KCNIP4: variants seen among roughly 807,000 people sequenced by gnomAD.
KCNIP4 encodes potassium voltage-gated channel interacting protein 4, also known as Kv channel-interacting protein 4.
KCNIP4 carries 12 observed loss-of-function variants against 34.0 expected under a neutral mutation model. That is an observed-to-expected ratio of 0.35 (90% CI 0.23 to 0.57). KCNIP4 has a LOEUF of 0.57. Ranked by LOEUF, KCNIP4 falls within the 20% of genes least tolerant of loss-of-function variation. The probability of loss-of-function intolerance (pLI) is 0.83; values close to 1 mark genes in which losing one functional copy is unlikely to be tolerated. For missense variants in KCNIP4, 238 were observed against 311.7 expected, an observed-to-expected ratio of 0.76 and a Z score of 1.78; for synonymous variants, 124 against 102.2, an observed-to-expected ratio of 1.21 and a Z score of -1.29.
chr4:21,480,144 T>G (rs1476712595), intron 1 of KCNIP4, among the ~76,000 whole-genome samples: 1 of 151,806 alleles, frequency 6.6e-6, no homozygotes, highest in Admixed American at 6.6e-5. Context: ...AAACTGGTCA[T>G]AAATTCATAA....
chr4:21,906,784 T>C (rs1728026197), intron 1 of KCNIP4, among the ~76,000 whole-genome samples: 1 of 152,160 alleles, frequency 6.6e-6, no homozygotes, highest in Non-Finnish European at 1.5e-5. Context: ...AACATCTAAA[T>C]GTGATATTTA....
chr4:21,816,721 C>T (rs1481741811), intron 1 of KCNIP4, among the ~76,000 whole-genome samples: 1 of 152,120 alleles, frequency 6.6e-6, no homozygotes, highest in African/African-American at 2.4e-5. Flanking sequence ...ACATCCCACC[C>T]CTATAATTAT....
At chr4:21,639,844 G>C (rs1287441167) in intron 1 of KCNIP4, among the ~76,000 whole-genome samples, 7 of 152,256 alleles carry the variant, frequency 4.6e-5, no homozygotes, top group Non-Finnish European at 1.0e-4. Context: ...CTACAGGATA[G>C]ATTTGGGGAC....
intron 3 of KCNIP4, among the ~76,000 whole-genome samples, chr4:20,849,883 T>C (rs1720817446): frequency 6.6e-6 from 1 of 152,216 alleles, no homozygotes; most frequent in Non-Finnish European, 1.5e-5. Context: ...ACCTGCAGCA[T>C]CTAGTTTAAC....
At chr4:21,344,686 C>A (rs553138538) in intron 1 of KCNIP4, among the ~76,000 whole-genome samples, 1 of 152,140 alleles carries the variant, frequency 6.6e-6, no homozygotes, top group Non-Finnish European at 1.5e-5. Flanking sequence ...TAAAGCATCA[C>A]AAAATCCCCG....
intron 1 of KCNIP4, among the ~76,000 whole-genome samples, chr4:21,608,324 C>T (rs548849391): frequency 2.0e-5 from 3 of 152,304 alleles, no homozygotes; most frequent in African/African-American, 7.2e-5. Flanking sequence ...TTTCTGAAAC[C>T]TCTAGAGGAA....
At chr4:21,450,434 A>T (rs1453425687) in intron 1 of KCNIP4, among the ~76,000 whole-genome samples, 1 of 152,166 alleles carries the variant, frequency 6.6e-6, no homozygotes, top group Non-Finnish European at 1.5e-5. Context: ...AAGCACAATC[A>T]ATATTAAAGA....
chr4:21,763,467 T>G (rs996185318), intron 1 of KCNIP4, among the ~76,000 whole-genome samples: 2 of 152,162 alleles, frequency 1.3e-5, no homozygotes, highest in Non-Finnish European at 2.9e-5. Flanking sequence ...ATGATTCTAC[T>G]GGCTAATAAA....
At chr4:21,624,296 T>C (rs1745180026) in intron 1 of KCNIP4, among the ~76,000 whole-genome samples, 1 of 152,180 alleles carries the variant, frequency 6.6e-6, no homozygotes, top group African/African-American at 2.4e-5. Flanking sequence ...TCATAGCATA[T>C]ATTCCAGAAT....
chr4:21,339,162 C>T (rs1381194995), intron 1 of KCNIP4, among the ~76,000 whole-genome samples: 1 of 152,186 alleles, frequency 6.6e-6, no homozygotes, highest in African/African-American at 2.4e-5. Flanking sequence ...TATAGGGTCA[C>T]ATGCAGGTAA....
intron 1 of KCNIP4, among the ~76,000 whole-genome samples, chr4:20,886,505 G>A (rs932884249): frequency 3.9e-5 from 6 of 152,168 alleles, no homozygotes; most frequent in South Asian, 2.1e-4. Flanking sequence ...GGATATGCAC[G>A]ATATCCAAGG....
chr4:21,104,519 A>G (rs1361952710), intron 1 of KCNIP4, among the ~76,000 whole-genome samples: 3 of 152,062 alleles, frequency 2.0e-5, no homozygotes, highest in Non-Finnish European at 2.9e-5. Flanking sequence ...AGTAGATTGC[A>G]AAAATTTTCT....
intron 1 of KCNIP4, among the ~76,000 whole-genome samples, chr4:20,938,326 T>G (rs549508245): frequency 6.6e-6 from 1 of 152,118 alleles, no homozygotes; most frequent in South Asian, 2.1e-4. Flanking sequence ...ATTGGCTGAC[T>G]CAGAGACCAG....
intron 1 of KCNIP4, among the ~76,000 whole-genome samples, chr4:21,140,463 C>A (rs1751858726): frequency 6.6e-6 from 1 of 152,130 alleles, no homozygotes; most frequent in Non-Finnish European, 1.5e-5. Flanking sequence ...TTAACTAATG[C>A]ATCTAAAAGG....
chr4:20,732,064 A>G lies in KCNIP4; in HGVS notation c.647T>C (p.Met216Thr). The G allele has an allele frequency of 1.2e-6, 2 of 1,600,136 alleles. No individual in the cohort carries two copies. The highest frequency in any genetic ancestry group is 3.3e-4 in the Middle Eastern group (2 of 6,010). ...AACAACCCCATCTTTATTTTTGTCC[A>G]TTTTCTGTTCAGGAAGAAAACAAAA... ...RQHVETFFQK[M>T]DKNKDGVVTI... Residue 216 changes from methionine (M) to threonine (T), a missense_variant, in exon 8 of 9, where the codon ATG (methionine) becomes ACG (threonine). By Grantham distance (81) the Met-to-Thr change is moderately conservative. Transcript: ENST00000382152.
intron 1 of KCNIP4, among the ~76,000 whole-genome samples, chr4:21,353,023 C>T (rs1271573505): frequency 6.6e-6 from 1 of 152,180 alleles, no homozygotes; most frequent in African/African-American, 2.4e-5. Context: ...AGTGGACCTC[C>T]AGCAAACTCC....
At chr4:21,228,507 G>A (rs944145533) in intron 1 of KCNIP4, among the ~76,000 whole-genome samples, 1 of 152,112 alleles carries the variant, frequency 6.6e-6, no homozygotes, top group Non-Finnish European at 1.5e-5. Flanking sequence ...GCCCCATCCT[G>A]CAGTCAACCA....
In KCNIP4 at chr4:20,802,203, TATATGCTACATATATGCTATAC is replaced by T. The variant is rs1385129033; in HGVS notation, c.289-43335_289-43314del. 1.7e-3 allele frequency among the ~76,000 whole-genome samples: 250 copies of T among 145,660 alleles called. 10 individuals are homozygous for T. The highest frequency in any genetic ancestry group is 5.8e-3 in the African/African-American group (233 of 39,998). ...ATATATGCTATATATATGCTATATATATATGCTACATATATGCTATACATATGCTACATATATGCTATATATA... is the reference window on the plus strand; with the variant it reads ...ATATATGCTATATATATGCTATATATATATGCTACATATATGCTATATATA... On this transcript the variant is annotated intron_variant, in intron 3 of 8. Coordinates refer to ENST00000382152, the MANE Select transcript of KCNIP4 (RefSeq NM_025221.6).
chr4:21,336,213 A>T lies in KCNIP4; in HGVS notation c.62-453504T>A, dbSNP rs113021995. On this transcript the variant is annotated intron_variant, in intron 1 of 8. Transcript: ENST00000382152. Reference sequence around the variant, plus strand: ...CCTTGTATAACATTAAATTTTTAATAAACCACAATTATTTATCCTATTTCC... The same window carrying T: ...CCTTGTATAACATTAAATTTTTAATTAACCACAATTATTTATCCTATTTCC... Among the ~76,000 whole-genome samples, 6 of 152,266 alleles carry T rather than the reference A, an allele frequency of 3.9e-5. 1 individual carries two copies. The highest frequency in any genetic ancestry group is 1.4e-4 in the African/African-American group (6 of 41,572).
Sources: allele counts gnomAD v4.1 joint callset (sites outside exome capture counted in the v4.1 genomes callset), GRCh38; gene constraint gnomAD v4.1.1; transcripts MANE v1.5; gene names NCBI Gene and HGNC (gene_info 2026-07-23, HGNC 2026-07-21).